FGF12: variants seen among roughly 807,000 people sequenced by gnomAD.
FGF12 encodes the protein fibroblast growth factor 12B.
In FGF12, 14 loss-of-function variants were observed where a neutral mutation model predicts 23.6. That is an observed-to-expected ratio of 0.59 (90% CI 0.39 to 0.93). The LOEUF (loss-of-function observed/expected upper bound fraction) is 0.93, where lower values mean the gene tolerates loss of function less well. FGF12 is among the 40% of genes least tolerant of loss of function. The pLI is 0.00. For synonymous variants in FGF12, 62 were observed against 77.3 expected (o/e 0.80, Z 1.04); for missense variants, 175 against 217.8 (o/e 0.80, Z 1.24).
chr3:192,284,899 C>T (rs372237005), intron 4 of FGF12, among the ~76,000 whole-genome samples: 4 of 152,092 alleles, frequency 2.6e-5, no homozygotes, highest in African/African-American at 9.6e-5. Context: ...GCACTAGGCT[C>T]TTATCAGATT....
At chr3:192,552,127 C>T in intron 2 of FGF12, among the ~76,000 whole-genome samples, 1 of 152,084 alleles carries the variant, frequency 6.6e-6, no homozygotes, top group South Asian at 2.1e-4. Flanking sequence ...AAAATACTTT[C>T]CCTGAATAAA....
intron 2 of FGF12, among the ~76,000 whole-genome samples, chr3:192,536,469 A>G (rs1396959042): frequency 6.6e-6 from 1 of 152,196 alleles, no homozygotes; most frequent in Non-Finnish European, 1.5e-5. Flanking sequence ...GTGAAGACAA[A>G]TAACACCAGA....
intron 2 of FGF12, chr3:192,534,051 G>A (rs148723373): frequency 1.0e-5 from 2 of 192,272 alleles, no homozygotes; most frequent in African/African-American, 2.3e-5. Flanking sequence ...AGGTTCAAGG[G>A]TGGCACATCT....
At chr3:192,392,350 C>T (rs1720326770) in intron 2 of FGF12, among the ~76,000 whole-genome samples, 2 of 151,698 alleles carry the variant, frequency 1.3e-5, no homozygotes, top group African/African-American at 4.8e-5. Context: ...GGGCTGATCC[C>T]TGAGGTCGGG....
chr3:192,304,065 CA>C (rs1267029024), intron 4 of FGF12, among the ~76,000 whole-genome samples: 1 of 152,068 alleles, frequency 6.6e-6, no homozygotes, highest in Non-Finnish European at 1.5e-5. Context: ...AGTAAGCACT[CA>C]AAAATGTTAA....
At chr3:192,273,215 T>C (rs181641693) in intron 4 of FGF12, among the ~76,000 whole-genome samples, 38 of 152,294 alleles carry the variant, frequency 2.5e-4, no homozygotes, top group African/African-American at 8.9e-4. Flanking sequence ...GGGAAATCCA[T>C]TCAAACATCT....
At chr3:192,673,704 C>T (rs962715261) in intron 2 of FGF12, among the ~76,000 whole-genome samples, 1 of 151,204 alleles carries the variant, frequency 6.6e-6, no homozygotes, top group African/African-American at 2.4e-5. Flanking sequence ...CATGCCCCTG[C>T]AAAGGACATG....
At chr3:192,410,021 G>A (rs1430700952) in intron 2 of FGF12, among the ~76,000 whole-genome samples, 1 of 152,102 alleles carries the variant, frequency 6.6e-6, no homozygotes, top group Non-Finnish European at 1.5e-5. Context: ...TGGCTCAGCT[G>A]GAGTGCTAGC....
At chr3:192,702,007 CCCTT>C (rs1262249994) in intron 2 of FGF12, among the ~76,000 whole-genome samples, 6 of 152,184 alleles carry the variant, frequency 3.9e-5, no homozygotes, top group Non-Finnish European at 1.5e-5. Context: ...TACCCTCCCT[CCCTT>C]AGCACCTCCC....
chr3:192,508,032 TC>T (rs1483887804), intron 2 of FGF12, among the ~76,000 whole-genome samples: 1 of 151,948 alleles, frequency 6.6e-6, no homozygotes, highest in Non-Finnish European at 1.5e-5. Context: ...ACAACCCCTC[TC>T]CCCTCAAAAA....
At chr3:192,430,346 T>C (rs1721824016) in intron 2 of FGF12, among the ~76,000 whole-genome samples, 1 of 152,188 alleles carries the variant, frequency 6.6e-6, no homozygotes, top group Non-Finnish European at 1.5e-5. Context: ...AGGGTGGTGG[T>C]TTCCAGGAGC....
chr3:192,524,235 G>A (rs1369802632), intron 2 of FGF12, among the ~76,000 whole-genome samples: 3 of 152,096 alleles, frequency 2.0e-5, no homozygotes, highest in Admixed American at 6.5e-5. Context: ...CTTGATAATA[G>A]GCATAGAAAT....
At position 192,143,357 on chromosome 3, in the gene FGF12, T is replaced by A. The variant is rs1713515159; in HGVS notation, c.*652A>T. On this transcript the variant is annotated 3_prime_UTR_variant, in exon 6 of 6. Transcript: ENST00000445105. ...AAGGCTATTCGATGCCATACAAGAT[T>A]TTCCTTTTACATAAAACAATCTTAA... 6.6e-6 allele frequency: 1 copy of A among 152,150 alleles called. No homozygotes were observed. Among genetic ancestry groups the A allele is most frequent in the Non-Finnish European group, 1.5e-5 (1 of 68,002 alleles). The allele number at this position is 152,150 out of a possible 1,614,324, so 9.4% of individuals were successfully genotyped here. A position where few individuals can be genotyped will look rare whatever the true frequency, so the allele number is the denominator to read the frequency against.
rs555530884 is a variant in FGF12 at position 192,181,637 on chromosome 3, T to G, written c.229-10981A>C. ...ATTAAGAGAAGTAATTTGTTTTTTT[T>G]TTTTTTTTTTGACACAGGGTTTCAC... On this transcript the variant is annotated intron_variant, in intron 4 of 5. Transcript: ENST00000445105. Among the ~76,000 whole-genome samples the G allele has an allele frequency of 4.1e-3, 621 of 151,608 alleles. 9 individuals carry two copies. The highest frequency in any genetic ancestry group is 0.031 in the East Asian group (161 of 5,144).
At chr3:192,374,689 T>C (rs1719392528) in intron 2 of FGF12, among the ~76,000 whole-genome samples, 1 of 152,140 alleles carries the variant, frequency 6.6e-6, no homozygotes, top group African/African-American at 2.4e-5. Flanking sequence ...AAGTTAGTAT[T>C]TTTTTTCTCA....
At chr3:192,515,858 C>G (rs76787685) in intron 2 of FGF12, among the ~76,000 whole-genome samples, 7,145 of 146,802 alleles carry the variant, frequency 0.049, 558 homozygotes, top group African/African-American at 0.17. Flanking sequence ...TTTCCTGATG[C>G]CAACAATGCC....
chr3:192,239,665 T>A (rs1264353925), intron 4 of FGF12, among the ~76,000 whole-genome samples: 1 of 152,216 alleles, frequency 6.6e-6, no homozygotes, highest in Non-Finnish European at 1.5e-5. Context: ...TATTGTGAAC[T>A]GTGCATATGA....
chr3:192,361,525 G>A (rs868275651), intron 2 of FGF12, among the ~76,000 whole-genome samples: 18 of 152,286 alleles, frequency 1.2e-4, no homozygotes, highest in Middle Eastern at 6.8e-3. Flanking sequence ...TCATATGATT[G>A]CTGAAGTAAC....
rs564087726 is a variant in FGF12 at position 192,200,905 on chromosome 3, G to GA, written c.229-30250dup. 4.9e-3 allele frequency among the ~76,000 whole-genome samples: 706 copies of GA among 144,048 alleles called. 7 individuals are homozygous for GA. The highest frequency in any genetic ancestry group is 0.033 in the East Asian group (164 of 5,012). The allele number at this position is 144,048 out of a possible 152,430, so 94.5% of individuals were successfully genotyped here. A position where few individuals can be genotyped will look rare whatever the true frequency, so the allele number is the denominator to read the frequency against. On this transcript the variant is annotated intron_variant, in intron 4 of 5. Coordinates refer to ENST00000445105, the MANE Select transcript of FGF12 (RefSeq NM_004113.6). Reference sequence around the variant, plus strand: ...AACCAGAAGAACCAGGCTTTTGTGTGAAAAAAAAAAAATGAGTGAGTAGGC... The same window carrying GA: ...AACCAGAAGAACCAGGCTTTTGTGTGAAAAAAAAAAAAATGAGTGAGTAGGC...
Sources: allele counts gnomAD v4.1 joint callset (sites outside exome capture counted in the v4.1 genomes callset), GRCh38; gene constraint gnomAD v4.1.1; transcripts MANE v1.5; gene names NCBI Gene and HGNC (gene_info 2026-07-23, HGNC 2026-07-21).